The following ATP6V1B2 variants were observed in gnomAD, a reference collection of about 807,000 sequenced individuals.
The protein encoded by ATP6V1B2 is V-type proton ATPase subunit B, brain isoform.
A neutral mutation model predicts 66.7 loss-of-function variants in ATP6V1B2; 23 were observed. The observed-to-expected ratio is 0.34, with a 90% CI of 0.25 to 0.49. The LOEUF (loss-of-function observed/expected upper bound fraction) is 0.49. ATP6V1B2 is among the 20% of genes least tolerant of loss of function. The pLI is 0.99. For missense variants in ATP6V1B2, 478 were observed against 650.8 expected (o/e 0.73, Z 2.89); for synonymous variants, 278 against 236.7 (o/e 1.17, Z -1.60).
At chr8:20,216,553 G>T (rs887538705) in intron 11 of ATP6V1B2, 58 bp downstream of exon 11, 1 of 1,504,708 alleles carries the variant, frequency 6.6e-7, no homozygotes, top group Non-Finnish European at 9.2e-7. Flanking sequence ...TTATTCTTTA[G>T]TGACTTGGAT....
Position 20,197,406 on chromosome 8 carries a change from G to C in ATP6V1B2, c.-1G>C, listed in dbSNP as rs74929830. On this transcript the variant is annotated 5_prime_UTR_variant, in exon 1 of 14. Coordinates refer to ENST00000276390, the MANE Select transcript of ATP6V1B2 (RefSeq NM_001693.4). Reference sequence around the variant, plus strand: ...GGGCCAGTCGGGACAGAGGAGACAAGATGGCGCTGCGGGCGATGCGGGGGA... The same window carrying C: ...GGGCCAGTCGGGACAGAGGAGACAACATGGCGCTGCGGGCGATGCGGGGGA... 1.1e-4 allele frequency: 171 copies of C among 1,540,976 alleles called. 1 individual carries two copies. In the African/African-American group the frequency reaches 2.3e-3, roughly 20 times the overall value.
In ATP6V1B2 at chr8:20,202,957, A is replaced by T. The variant is rs187331140; in HGVS notation, c.137-1527A>T. Among the ~76,000 whole-genome samples, 977 of 152,336 alleles carry T rather than the reference A, an allele frequency of 6.4e-3. 4 individuals are homozygous for T. The highest frequency in any genetic ancestry group is 0.011 in the Non-Finnish European group (742 of 68,022). ...CCATTTCCACATGGCAATTTTAGAAAGCCATTGTAAAAAAAATGCTGGGAG... is the reference window on the plus strand; with the variant it reads ...CCATTTCCACATGGCAATTTTAGAATGCCATTGTAAAAAAAATGCTGGGAG... On this transcript the variant is annotated intron_variant, in intron 1 of 13. Transcript: ENST00000276390.
intron 2 of ATP6V1B2, among the ~76,000 whole-genome samples, chr8:20,206,899 A>T (rs2072744648): frequency 4.6e-5 from 7 of 152,180 alleles, no homozygotes; most frequent in Admixed American, 3.3e-4. Context: ...GGGGAAAAGA[A>T]ATTAGGGTAC....
chr8:20,207,307 A>C (rs2072748420), intron 2 of ATP6V1B2, among the ~76,000 whole-genome samples: 1 of 152,218 alleles, frequency 6.6e-6, no homozygotes, highest in Non-Finnish European at 1.5e-5. Flanking sequence ...GACTTGGTAA[A>C]TCAACATTAC....
rs143560261 is a variant in ATP6V1B2, at chr8:20,217,457, A to G, written c.1266+133A>G. 68 of 732,328 alleles carry G rather than the reference A, an allele frequency of 9.3e-5. 1 individual carries two copies. The highest frequency in any genetic ancestry group is 9.0e-4 in the South Asian group (53 of 58,712). 45.4% of individuals were successfully genotyped at this position (732,328 alleles called of 1,614,324 possible). ...AATTTTAGTGTAGGCTTGATGTGGA[A>G]TACATAATCATTCATTAGAACCAAA... On this transcript the variant is annotated intron_variant, in intron 12 of 13. Transcript: ENST00000276390.
intron 1 of ATP6V1B2, among the ~76,000 whole-genome samples, chr8:20,199,821 G>A (rs2072666633): frequency 6.6e-6 from 1 of 152,026 alleles, no homozygotes; most frequent in Non-Finnish European, 1.5e-5. Flanking sequence ...GTGTTTCCCA[G>A]GCTGGTGGCG....
rs528148858 is a variant in ATP6V1B2, at chr8:20,214,761, G to C, written c.928-57G>C. On this transcript the variant is annotated intron_variant, in intron 9 of 13. Transcript: ENST00000276390. The stretch of plus-strand genomic sequence containing the variant: ...TTTGGCATGTTGAAACAAACATGTT[G>C]TAAGCAAGCTTGTTGTAATATCGTG... 19 of 1,499,504 alleles carry C rather than the reference G, an allele frequency of 1.3e-5. No individual in the cohort carries two copies. The East Asian group carries it at 4.5e-4, about 36-fold the overall frequency. 92.9% of individuals were successfully genotyped at this position (1,499,504 alleles called of 1,614,324 possible). A position where few individuals can be genotyped will look rare whatever the true frequency, so the allele number is the denominator to read the frequency against.
intron 2 of ATP6V1B2, among the ~76,000 whole-genome samples, chr8:20,206,892 G>A (rs916371377): frequency 6.6e-6 from 1 of 152,096 alleles, no homozygotes; most frequent in Non-Finnish European, 1.5e-5. Context: ...GTGCTATGGG[G>A]AAAAGAAATT....
chr8:20,221,468 T>G lies in ATP6V1B2; in HGVS notation c.*1066T>G, dbSNP rs918497125. ...TTCCTGACGTGAGCCCTGAGCGATCTTCTATGCAGTTCTGCCATGCGTCCT... is the reference window on the plus strand; with the variant it reads ...TTCCTGACGTGAGCCCTGAGCGATCGTCTATGCAGTTCTGCCATGCGTCCT... On this transcript the variant is annotated 3_prime_UTR_variant, in exon 14 of 14. Transcript: ENST00000276390. 6.6e-6 allele frequency: 1 copy of G among 152,636 alleles called. No homozygotes were observed. The highest frequency in any genetic ancestry group is 2.4e-5 in the African/African-American group (1 of 41,440). 9.5% of individuals were successfully genotyped at this position (152,636 alleles called of 1,614,324 possible). A position where few individuals can be genotyped will look rare whatever the true frequency, so the allele number is the denominator to read the frequency against.
At chr8:20,213,372 G>C (rs1209805942) in intron 9 of ATP6V1B2, 1 of 179,568 alleles carries the variant, frequency 5.6e-6, no homozygotes, top group African/African-American at 2.4e-5. Flanking sequence ...TAGCAGGCTG[G>C]GCACGGTAGC....
In ATP6V1B2 at chr8:20,204,551, A is replaced by C. The variant is rs753267498; in HGVS notation, c.192+12A>C. 23 of 1,604,792 alleles carry C rather than the reference A, an allele frequency of 1.4e-5. No homozygotes were observed. Among genetic ancestry groups the C allele is most frequent in the Non-Finnish European group, 1.8e-5 (21 of 1,172,224 alleles). ...TAGATCATGTTAAGGTAATACCACT[A>C]TCTGTTTTGGTCTATTTATGTAGTT... On this transcript the variant is annotated intron_variant, in intron 2 of 13. Transcript: ENST00000276390.
intron 13 of ATP6V1B2, among the ~76,000 whole-genome samples, chr8:20,218,938 C>T (rs996349542): frequency 6.6e-6 from 1 of 152,174 alleles, no homozygotes; most frequent in African/African-American, 2.4e-5. Flanking sequence ...CAATTTTTAT[C>T]TACCTCTGCT....
chr8:20,219,575 A>T (rs1265981410), intron 13 of ATP6V1B2, among the ~76,000 whole-genome samples: 1 of 152,196 alleles, frequency 6.6e-6, no homozygotes, highest in African/African-American at 2.4e-5. Flanking sequence ...GCACCTTTCC[A>T]GTTATATGAT....
rs1190261837 is a variant in ATP6V1B2 at position 20,197,518 on chromosome 8, A to G, written c.112A>G (p.Asn38Asp). The change falls in exon 1 of 14, where the codon AAC becomes GAC. Residue 38 changes from asparagine to aspartate, a missense_variant. This residue lies in a region of ATP6V1B2 where 152 missense variants were observed against 105.2 expected (regional missense o/e 1.44). Transcript: ENST00000276390. ...GGAGCAGGCGCTGGCAGTCAGTCGG[A>G]ACTACCTCTCCCAGCCTCGCCTCAG... ...AREQALAVSRNYLSQPRLTYK... is the reference protein window; with the variant it reads ...AREQALAVSRDYLSQPRLTYK... The G allele has an allele frequency of 6.8e-7, 1 of 1,473,142 alleles. No homozygotes were observed. 91.3% of individuals were successfully genotyped at this position (1,473,142 alleles called of 1,614,324 possible).
chr8:20,201,292 T>C (rs1339735425), intron 1 of ATP6V1B2, among the ~76,000 whole-genome samples: 1 of 152,202 alleles, frequency 6.6e-6, no homozygotes, highest in African/African-American at 2.4e-5. Flanking sequence ...TAGAAATATT[T>C]AGGTAATTTA....
In ATP6V1B2 at chr8:20,221,003, C is replaced by T. The variant is rs540778125; in HGVS notation, c.*601C>T. The T allele has an allele frequency of 6.6e-6, 1 of 152,204 alleles. No individual in the cohort carries two copies. The highest frequency in any genetic ancestry group is 2.1e-4 in the South Asian group (1 of 4,822). 9.4% of individuals were successfully genotyped at this position (152,204 alleles called of 1,614,324 possible). On this transcript the variant is annotated 3_prime_UTR_variant, in exon 14 of 14. Transcript: ENST00000276390. ...CTTTAGTACTTACGTATTGGGATTC[C>T]TGTGTCTTACAGCTCTCCCTCTCCA...
At chr8:20,205,157 T>TG (rs2072725924) in intron 2 of ATP6V1B2, among the ~76,000 whole-genome samples, 1 of 152,222 alleles carries the variant, frequency 6.6e-6, no homozygotes, top group Non-Finnish European at 1.5e-5. Context: ...TTTTGTTTTC[T>TG]GGGGAAAATA....
At chr8:20,204,810 G>A (rs560333267) in intron 2 of ATP6V1B2, among the ~76,000 whole-genome samples, 2 of 152,192 alleles carry the variant, frequency 1.3e-5, no homozygotes, top group South Asian at 4.2e-4. Context: ...TACAGGGGTG[G>A]GTCAGGGAGA....
intron 9 of ATP6V1B2, chr8:20,213,819 T>C (rs2072821153): frequency 6.6e-6 from 1 of 152,200 alleles, no homozygotes; most frequent in South Asian, 2.1e-4. Flanking sequence ...CTCTGCTATA[T>C]TGCTGTTTCA....
Sources: gnomAD v4.1 joint callset for allele counts (sites outside exome capture counted in the v4.1 genomes callset) on GRCh38, gnomAD v4.1.1 for gene constraint, gnomAD v4.1.1 regional missense constraint, MANE v1.5 for transcripts, NCBI Gene and HGNC (gene_info 2026-07-23, HGNC 2026-07-21) for gene names.